UBA7: variants seen among roughly 807,000 people sequenced by gnomAD.
The protein encoded by UBA7 is ubiquitin like modifier activating enzyme 7, also known as ubiquitin-like modifier-activating enzyme 7.
Under a neutral mutation model 113.0 loss-of-function variants are expected in UBA7, and 88 were observed. The observed-to-expected ratio is 0.78, with a 90% CI of 0.66 to 0.93. The LOEUF (loss-of-function observed/expected upper bound fraction) is 0.93. Ranked by LOEUF, UBA7 falls within the 40% of genes least tolerant of loss-of-function variation. UBA7 has a pLI of 0.00. For synonymous variants in UBA7, 459 were observed against 513.0 expected (o/e 0.89, Z 1.42); for missense variants, 1,092 against 1,266.4 (o/e 0.86, Z 2.09).
At position 49,812,018 on chromosome 3, in the gene UBA7, T is replaced by TGCAAGG. The variant is rs753754865; in HGVS notation, c.793-8_793-3dup. The TGCAAGG allele has an allele frequency of 2.3e-5, 37 of 1,614,062 alleles. No individual in the cohort carries two copies. Among genetic ancestry groups the TGCAAGG allele is most frequent in the Non-Finnish European group, 3.1e-5 (37 of 1,180,018 alleles). The stretch of plus-strand genomic sequence containing the variant: ...GAGCAGGGCTGTGTCCAGGGACTTC[T>TGCAAGG]GCAAGGGCACCTGGCTCAGGGTCTA... On this transcript the variant is annotated splice_polypyrimidine_tract_variant and splice_region_variant and intron_variant, in intron 7 of 23. Coordinates refer to ENST00000333486, the MANE Select transcript of UBA7 (RefSeq NM_003335.3).
At chr3:49,808,953 G>GGGGCCA in intron 18 of UBA7, 23 bp downstream of exon 18, 1 of 1,609,328 alleles carries the variant, frequency 6.2e-7, no homozygotes, top group Admixed American at 1.7e-5. Flanking sequence ...GACAGCATGA[G>GGGGCCA]GGGCCAGGGC....
In UBA7 at chr3:49,809,471, AGGTAAGTAGAAGCTGCTG is replaced by A; in HGVS notation, c.2089-25_2089-8del. 1 of 1,614,140 alleles carries A rather than the reference AGGTAAGTAGAAGCTGCTG, an allele frequency of 6.2e-7. No homozygotes were observed. Among genetic ancestry groups the A allele is most frequent in the South Asian group, 1.1e-5 (1 of 91,082 alleles). The stretch of plus-strand genomic sequence containing the variant: ...GAGTTCCATCCTCAAGCACCTAGGT[AGGTAAGTAGAAGCTGCTG>A]GGCTCAGTCTGGTCCCCCTGAGCCC... On this transcript the variant is annotated splice_region_variant and splice_polypyrimidine_tract_variant and intron_variant, in intron 16 of 23. Transcript: ENST00000333486.
chr3:49,808,575 C>G (rs1045423429), intron 18 of UBA7, 107 bp from the exon 19 acceptor site: 3 of 1,195,018 alleles, frequency 2.5e-6, no homozygotes, highest in African/African-American at 1.5e-5. Flanking sequence ...ACTTACTATT[C>G]CCTGATCAAA....
chr3:49,805,919 G>A lies in UBA7; in HGVS notation c.2887C>T (p.Gln963Ter), dbSNP rs1221122447. Reference protein sequence around the residue: ...LYAAGWSPEKQAQHLPLRVTE... With the variant: ...LYAAGWSPEK Reference sequence around the variant, plus strand: ...CACCTGAGGGGCAGGTGCTGGGCCTGCTTTTCAGGTGACCATCCGGCCGCA... The same window carrying A: ...CACCTGAGGGGCAGGTGCTGGGCCTACTTTTCAGGTGACCATCCGGCCGCA... Residue 963 changes from glutamine to a stop codon, truncating the protein, a stop_gained, in exon 23 of 24, where the codon CAG becomes TAG. Transcript: ENST00000333486. LOFTEE classifies it low-confidence loss of function (END_TRUNC). 1 of 1,556,676 alleles carries A rather than the reference G, an allele frequency of 6.4e-7. No homozygotes were observed. The highest frequency in any genetic ancestry group is 8.7e-7 in the Non-Finnish European group (1 of 1,150,076).
rs1395295895 is a variant in UBA7, at chr3:49,810,680, C to G, written c.1312-8G>C. On this transcript the variant is annotated splice_region_variant and splice_polypyrimidine_tract_variant and intron_variant, in intron 11 of 23. Transcript: ENST00000333486. This position sits in a 1 kb window ranked among gnomAD's most constrained non-coding sequence, Gnocchi z 5.6. ...AATGGCACCAGCGCCCACCTGTTGG[C>G]AGGAACAGCCTTAGCCAGAGGGGCT... 5 of 1,614,096 alleles carry G rather than the reference C, an allele frequency of 3.1e-6. No individual in the cohort carries two copies. The South Asian group carries it at 5.5e-5, about 18-fold the overall frequency.
intron 23 of UBA7, among the ~76,000 whole-genome samples, 179 bp from the exon 24 acceptor site, chr3:49,805,616 G>T (rs903010406): frequency 2.0e-5 from 3 of 152,092 alleles, no homozygotes; most frequent in African/African-American, 7.2e-5. Flanking sequence ...CAAGCAGGAG[G>T]CAGGAAGCTA....
Position 49,807,991 on chromosome 3 carries a change from C to T in UBA7, c.2523+29G>A, listed in dbSNP as rs771669758. ...AGGGCCAGGGTTTGCCCTCCACCTC[C>T]AGGCCCAAGCCTCAAGGGGTGGGGT... On this transcript the variant is annotated intron_variant, in intron 20 of 23. Coordinates refer to ENST00000333486, the MANE Select transcript of UBA7 (RefSeq NM_003335.3). This position sits in a 1 kb window ranked among gnomAD's most constrained non-coding sequence, Gnocchi z 4.0. 1.6e-5 allele frequency: 26 copies of T among 1,613,958 alleles called. No individual in the cohort carries two copies. In the Admixed American group the frequency reaches 1.8e-4, roughly 11 times the overall value.
At position 49,805,966 on chromosome 3, in the gene UBA7, A is replaced by C; in HGVS notation, c.2840T>G (p.Leu947Arg). 1 of 1,566,742 alleles carries C rather than the reference A, an allele frequency of 6.4e-7. No homozygotes were observed. The highest frequency in any genetic ancestry group is 8.7e-7 in the Non-Finnish European group (1 of 1,155,566). ...CGCATAGAGCAGGGCTGAGCCGTGC[A>C]GCAGGATCCTCACCCTCAACCCGTG... ...EQHGLRVRIL[L>R]HGSALLYAAG... is the part of the protein sequence containing the mutation. Residue 947 changes from leucine to arginine, a missense_variant, in exon 23 of 24, where the codon CTG (leucine) becomes CGG (arginine). Leu to Arg is a moderately radical substitution (Grantham distance 102). This residue lies in a region of UBA7 where 500 missense variants were observed against 529.3 expected (regional missense o/e 0.94). Transcript: ENST00000333486.
At chr3:49,806,277 A>C in intron 21 of UBA7, 112 bp from the exon 22 acceptor site, 67 of 613,180 alleles carry the variant, frequency 1.1e-4, no homozygotes, top group Middle Eastern at 5.6e-4. Flanking sequence ...AACAGGAGCC[A>C]GGGGGTGGGG....
chr3:49,810,696 C>T lies in UBA7; in HGVS notation c.1312-24G>A, dbSNP rs757510608. ...ACCTGTTGGCAGGAACAGCCTTAGC[C>T]AGAGGGGCTGGGCTGGCTCTCCCAA... On this transcript the variant is annotated intron_variant, in intron 11 of 23. Transcript: ENST00000333486. The surrounding 1 kb of genome is among the most constrained non-coding windows in gnomAD (Gnocchi z 5.6). 2.7e-5 allele frequency: 44 copies of T among 1,613,976 alleles called. No homozygotes were observed. In the South Asian group the frequency reaches 4.8e-4, roughly 18 times the overall value.
rs200649941 is a variant in UBA7, at chr3:49,813,071, C to T, written c.458G>A (p.Gly153Asp). 10 of 1,613,062 alleles carry T rather than the reference C, an allele frequency of 6.2e-6. No homozygotes were observed. The Admixed American group carries it at 1.0e-4, about 16-fold the overall frequency. Residue 153 changes from glycine (G) to aspartate (D), a missense_variant, in exon 4 of 24, where the codon GGC becomes GAC. This residue lies in a region of UBA7 where 584 missense variants were observed against 714.5 expected (regional missense o/e 0.82). Coordinates refer to ENST00000333486, the MANE Select transcript of UBA7 (RefSeq NM_003335.3). ...AGGCAGTCTTACTCACCCCACGAGG[C>T]CCCGGGTGTCAGCCGCCAGAAAGCA... ...GVCFLAADTR[G>D]LVGQLFCDFG...
intron 7 of UBA7, 22 bp from the exon 8 acceptor site, chr3:49,812,038 G>C (rs1390797889): frequency 1.9e-6 from 3 of 1,614,178 alleles, no homozygotes; most frequent in South Asian, 1.1e-5. Flanking sequence ...CCTGGCTCAG[G>C]GTCTAGTCCA....
At position 49,813,773 on chromosome 3, in the gene UBA7, G is replaced by A. The variant is rs368401766; in HGVS notation, c.15C>T (p.Asp5=). Residue 5 remains aspartate, a synonymous_variant, in exon 1 of 24, where the codon GAC becomes GAT. Transcript: ENST00000333486. ...GCTCCTCATCCAGTAGCTTCGAAGC[G>A]TCCAGGGCATCCATCCTCAAACCTG... MDAL[D]ASKLLDEELY... 3.7e-5 allele frequency: 59 copies of A among 1,614,066 alleles called. No individual in the cohort carries two copies. The highest frequency in any genetic ancestry group is 1.3e-4 in the African/African-American group (10 of 74,926).
Position 49,811,862 on chromosome 3 carries a change from C to G in UBA7, c.939+8G>C. The G allele has an allele frequency of 6.2e-7, 1 of 1,612,868 alleles. No individual in the cohort carries two copies. The highest frequency in any genetic ancestry group is 8.5e-7 in the Non-Finnish European group (1 of 1,179,864). On this transcript the variant is annotated splice_region_variant and intron_variant, in intron 8 of 23. Coordinates refer to ENST00000333486, the MANE Select transcript of UBA7 (RefSeq NM_003335.3). ...GAGGCTGGGGGTGGGAGCAACAGGA[C>G]TACTCACAGGATCCCAGGGCTGGGG... is the stretch of plus-strand genomic sequence containing the variant.
In UBA7 at chr3:49,808,409, G is replaced by A. The variant is rs2234386; in HGVS notation, c.2407C>T (p.Leu803=). Residue 803 remains leucine (L), a synonymous_variant, in exon 19 of 24, where the codon CTG becomes TTG. Coordinates refer to ENST00000333486, the MANE Select transcript of UBA7 (RefSeq NM_003335.3). ...ALEVWSVGPP[L]KPLMFEKDDD... is the part of the protein sequence containing the mutation. Reference sequence around the variant, plus strand: ...ACCTTCTCAAACATCAGAGGCTTCAGGGGAGGGCCCACACTCCAGACTTCC... The same window carrying A: ...ACCTTCTCAAACATCAGAGGCTTCAAGGGAGGGCCCACACTCCAGACTTCC... 3 of 1,614,210 alleles carry A rather than the reference G, an allele frequency of 1.9e-6. No individual in the cohort carries two copies. Among genetic ancestry groups the A allele is most frequent in the Non-Finnish European group, 2.5e-6 (3 of 1,180,040 alleles).
Position 49,805,392 on chromosome 3 carries a change from A to G in UBA7, c.2955T>C (p.Pro985=). 4.3e-6 allele frequency: 7 copies of G among 1,613,790 alleles called. No homozygotes were observed. Among genetic ancestry groups the G allele is most frequent in the Middle Eastern group, 1.6e-4 (1 of 6,062 alleles). Residue 985 remains proline, a synonymous_variant, in exon 24 of 24, where the codon CCT becomes CCC. Transcript: ENST00000333486. ...VQQLTGQAPA[P]GQRVLVLELS... ...GCTCTAGCACCAACACCCGCTGCCC[A>G]GGAGCAGGTGCCTGGCCTGTCAGCT...
At position 49,813,727 on chromosome 3, in the gene UBA7, C is replaced by A. The variant is rs1328373012; in HGVS notation, c.56+5G>T. 1.2e-6 allele frequency: 2 copies of A among 1,614,162 alleles called. No individual in the cohort carries two copies. The highest frequency in any genetic ancestry group is 1.1e-5 in the South Asian group (1 of 91,094). ...CCACTCTCCACCCCCCACCTCGGGC[C>A]TCACAGCTGTCTTGAATACAGCTCC... On this transcript the variant is annotated splice_donor_5th_base_variant and intron_variant, in intron 1 of 23. Transcript: ENST00000333486.
In UBA7 at chr3:49,811,339, G is replaced by A. The variant is rs2081543029; in HGVS notation, c.1056C>T (p.Ser352=). ...CCATAGGGCTCAAGACACCTGCACTGCTTAGGGCGACTGTCCGCACTAGGG... is the reference window on the plus strand; with the variant it reads ...CCATAGGGCTCAAGACACCTGCACTACTTAGGGCGACTGTCCGCACTAGGG... ...DEALVRTVAL[S]SAGVLSPMVA... is the part of the protein sequence containing the mutation. The change falls in exon 9 of 24, where the codon AGC becomes AGT. Residue 352 remains serine (S), a synonymous_variant. Coordinates refer to ENST00000333486, the MANE Select transcript of UBA7 (RefSeq NM_003335.3). 1.9e-6 allele frequency: 3 copies of A among 1,614,086 alleles called. No homozygotes were observed. Among genetic ancestry groups the A allele is most frequent in the African/African-American group, 1.3e-5 (1 of 74,934 alleles).
rs749079843 is a variant in UBA7 at position 49,813,455 on chromosome 3, C to T, written c.225+24G>A. ...CCGTGCCCCCACCTTGGTCTGGCAG[C>T]CCATAGCCCCCCAGGACACTTACCT... On this transcript the variant is annotated intron_variant, in intron 2 of 23. Coordinates refer to ENST00000333486, the MANE Select transcript of UBA7 (RefSeq NM_003335.3). 4 of 1,609,902 alleles carry T rather than the reference C, an allele frequency of 2.5e-6. No individual in the cohort carries two copies. In the South Asian group the frequency reaches 4.4e-5, roughly 18 times the overall value.
Sources: gnomAD v4.1 joint callset for allele counts (sites outside exome capture counted in the v4.1 genomes callset) on GRCh38, gnomAD v4.1.1 for gene constraint, gnomAD v4.1.1 regional missense constraint, Gnocchi (gnomAD v3.1) non-coding constraint, MANE v1.5 for transcripts, NCBI Gene and HGNC (gene_info 2026-07-23, HGNC 2026-07-21) for gene names.